ARFIP1: variants seen among roughly 807,000 people sequenced by gnomAD.
ARFIP1 encodes the protein arfaptin-1.
In ARFIP1, 24 loss-of-function variants were observed where a neutral mutation model predicts 42.5. That is an observed-to-expected ratio of 0.57 (90% CI 0.41 to 0.80). The LOEUF (loss-of-function observed/expected upper bound fraction) is 0.80, where lower values mean the gene tolerates loss of function less well. Ranked by LOEUF, ARFIP1 falls within the 30% of genes least tolerant of loss-of-function variation. The pLI is 0.00. For missense variants in ARFIP1, 354 were observed against 434.0 expected, an observed-to-expected ratio of 0.82 and a Z score of 1.64; for synonymous variants, 141 against 153.7, an observed-to-expected ratio of 0.92 and a Z score of 0.61.
At chr4:152,786,124 A>G (rs752012754) in intron 1 of ARFIP1, among the ~76,000 whole-genome samples, 1 of 152,176 alleles carries the variant, frequency 6.6e-6, no homozygotes, top group Non-Finnish European at 1.5e-5. Context: ...CAGATGGTCA[A>G]AGTCTAAGTC....
intron 1 of ARFIP1, among the ~76,000 whole-genome samples, chr4:152,804,888 A>C (rs1327445495): frequency 6.6e-6 from 1 of 152,208 alleles, no homozygotes; most frequent in Non-Finnish European, 1.5e-5. Context: ...GCAAGTGGAT[A>C]CATTATTTAA....
chr4:152,811,550 C>T (rs909747635), intron 1 of ARFIP1, among the ~76,000 whole-genome samples: 3 of 151,906 alleles, frequency 2.0e-5, no homozygotes, highest in African/African-American at 7.3e-5. Context: ...ATTTCATGTT[C>T]CAGAAATGGT....
At chr4:152,823,741 C>A (rs559260624) in intron 1 of ARFIP1, among the ~76,000 whole-genome samples, 2 of 132,882 alleles carry the variant, frequency 1.5e-5, no homozygotes, top group Non-Finnish European at 3.1e-5. Context: ...CACACCACTA[C>A]ACTCCAGCCT....
In ARFIP1 at chr4:152,911,945, A is replaced by T. The variant is rs1169634264; in HGVS notation, c.*1726A>T. 1 of 152,540 alleles carries T rather than the reference A, an allele frequency of 6.6e-6. No homozygotes were observed. The highest frequency in any genetic ancestry group is 1.5e-5 in the Non-Finnish European group (1 of 67,990). The allele number at this position is 152,540 out of a possible 1,614,324, so 9.4% of individuals were successfully genotyped here. On this transcript the variant is annotated 3_prime_UTR_variant, in exon 9 of 9. Coordinates refer to ENST00000353617, the MANE Select transcript of ARFIP1 (RefSeq NM_001025595.3). ...TCTGGACCTTCATAGTTTAAGAAGT[A>T]ACTATTTGGAAATTCTGAAGACACA...
chr4:152,817,985 A>AATCCTTGTGCAC (rs1730041909), intron 1 of ARFIP1, among the ~76,000 whole-genome samples: 1 of 152,230 alleles, frequency 6.6e-6, no homozygotes, highest in Non-Finnish European at 1.5e-5. Flanking sequence ...CAGAGATTGG[A>AATCCTTGTGCAC]ATCCTTGTGC....
intron 1 of ARFIP1, among the ~76,000 whole-genome samples, chr4:152,794,342 A>G (rs185612855): frequency 6.6e-6 from 1 of 152,308 alleles, no homozygotes; most frequent in Non-Finnish European, 1.5e-5. Flanking sequence ...GAAGAATACT[A>G]ATCAGTTATT....
chr4:152,863,639 C>T lies in ARFIP1; in HGVS notation c.127C>T (p.Leu43Phe), dbSNP rs368596152. ...GCATTCATTACCATCTGGACTTGGT[C>T]TCTCAGAAACCCAAATTACATCTCA... ...LKHSLPSGLG[L>F]SETQITSHGF... The change falls in exon 3 of 9, where the codon CTC (leucine) becomes TTC (phenylalanine). Residue 43 changes from leucine (L) to phenylalanine (F), a missense_variant. Leu to Phe is a conservative substitution (Grantham distance 22). Transcript: ENST00000353617. 4.2e-5 allele frequency: 67 copies of T among 1,608,970 alleles called. No individual in the cohort carries two copies. The highest frequency in any genetic ancestry group is 5.0e-5 in the Non-Finnish European group (59 of 1,175,926).
chr4:152,833,501 T>C (rs1294131693), intron 2 of ARFIP1, among the ~76,000 whole-genome samples: 2 of 152,230 alleles, frequency 1.3e-5, no homozygotes, highest in Non-Finnish European at 2.9e-5. Flanking sequence ...ATCTAGCAGT[T>C]CCATTTCTGG....
chr4:152,858,632 C>A (rs1407682641), intron 2 of ARFIP1, among the ~76,000 whole-genome samples: 3 of 152,184 alleles, frequency 2.0e-5, no homozygotes, highest in Non-Finnish European at 1.5e-5. Context: ...TCAACAAATT[C>A]ATTATTTATC....
At chr4:152,897,872 T>C (rs1407990066) in intron 8 of ARFIP1, among the ~76,000 whole-genome samples, 2 of 152,210 alleles carry the variant, frequency 1.3e-5, no homozygotes, top group Admixed American at 1.3e-4. Flanking sequence ...TTTTTAGTTC[T>C]TAGTAGTTAT....
In ARFIP1 at chr4:152,780,430, G is replaced by T. The variant is rs533874757; in HGVS notation, c.-10+204G>T. Among the ~76,000 whole-genome samples, 7 of 152,286 alleles carry T rather than the reference G, an allele frequency of 4.6e-5. No individual in the cohort carries two copies. In the South Asian group the frequency reaches 1.2e-3, roughly 27 times the overall value. On this transcript the variant is annotated intron_variant, in intron 1 of 8. Transcript: ENST00000353617. ...CTTCTGTCCCTCTGAGTGTGCCCCC[G>T]AAACAGTCGAGTGAAGGTGTAGGAC...
chr4:152,889,048 C>G (rs1456585816), intron 8 of ARFIP1, among the ~76,000 whole-genome samples: 1 of 152,208 alleles, frequency 6.6e-6, no homozygotes, highest in Non-Finnish European at 1.5e-5. Context: ...CACCATTGCA[C>G]GTTGGTAGTT....
At chr4:152,878,987 G>C (rs573078430) in intron 5 of ARFIP1, among the ~76,000 whole-genome samples, 2 of 152,078 alleles carry the variant, frequency 1.3e-5, no homozygotes, top group Non-Finnish European at 2.9e-5. Flanking sequence ...AAAATTTCTG[G>C]CATTATTTCT....
At chr4:152,856,185 T>A (rs769356023) in intron 2 of ARFIP1, among the ~76,000 whole-genome samples, 1 of 152,230 alleles carries the variant, frequency 6.6e-6, no homozygotes, top group Non-Finnish European at 1.5e-5. Flanking sequence ...AACACATTAC[T>A]TAGCTCCCCT....
intron 3 of ARFIP1, among the ~76,000 whole-genome samples, chr4:152,864,842 T>C (rs932077064): frequency 6.6e-6 from 1 of 152,042 alleles, no homozygotes; most frequent in East Asian, 1.9e-4. Context: ...ACATCTCATA[T>C]CTATGTCTAT....
At chr4:152,877,762 C>T (rs1735486811) in intron 5 of ARFIP1, among the ~76,000 whole-genome samples, 1 of 152,110 alleles carries the variant, frequency 6.6e-6, no homozygotes, top group Non-Finnish European at 1.5e-5. Flanking sequence ...GGGGGCCGGT[C>T]TTGTCTGTGC....
chr4:152,803,753 C>T (rs1443076281), intron 1 of ARFIP1, among the ~76,000 whole-genome samples: 1 of 151,718 alleles, frequency 6.6e-6, no homozygotes, highest in Non-Finnish European at 1.5e-5. Flanking sequence ...GTCTCTAAGG[C>T]TCTGGGATTA....
intron 5 of ARFIP1, among the ~76,000 whole-genome samples, chr4:152,880,387 T>G (rs1215516049): frequency 6.6e-6 from 1 of 152,104 alleles, no homozygotes; most frequent in East Asian, 1.9e-4. Context: ...TGTATTATTA[T>G]TTCTGGGGCA....
At chr4:152,861,782 A>G (rs114622292) in intron 2 of ARFIP1, among the ~76,000 whole-genome samples, 6,587 of 152,272 alleles carry the variant, frequency 0.043, 159 homozygotes, top group Middle Eastern at 0.088. Context: ...TATCTTAGCT[A>G]TACCACTTCA....
Sources: gnomAD v4.1 joint callset for allele counts (sites outside exome capture counted in the v4.1 genomes callset) on GRCh38, gnomAD v4.1.1 for gene constraint, MANE v1.5 for transcripts, NCBI Gene and HGNC (gene_info 2026-07-23, HGNC 2026-07-21) for gene names.